The following SOX6 variants were observed in gnomAD, a reference collection of about 807,000 sequenced individuals.
SOX6 encodes transcription factor SOX-6.
Under a neutral mutation model 97.8 loss-of-function variants are expected in SOX6, and 11 were observed. That is an observed-to-expected ratio of 0.11 (90% CI 0.07 to 0.19). The LOEUF (loss-of-function observed/expected upper bound fraction) is 0.19. SOX6 is among the 10% of genes least tolerant of loss of function. SOX6 has a pLI of 1.00. For missense variants in SOX6, 810 were observed against 1,039.5 expected, an observed-to-expected ratio of 0.78 and a Z score of 3.04; for synonymous variants, 360 against 371.4, an observed-to-expected ratio of 0.97 and a Z score of 0.35.
chr11:16,414,518 A>G (rs11820804), intron 1 of SOX6, among the ~76,000 whole-genome samples: 45,761 of 152,028 alleles, frequency 0.3, 7,036 homozygotes, highest in East Asian at 0.52. Flanking sequence ...TGGGCATTAT[A>G]TATGGTCATG....
intron 12 of SOX6, among the ~76,000 whole-genome samples, chr11:16,041,368 A>T (rs934875299): frequency 3.9e-5 from 6 of 152,120 alleles, no homozygotes; most frequent in Admixed American, 3.9e-4. Flanking sequence ...GAAGCAGAAG[A>T]TGTCCAGTAT....
chr11:16,691,699 A>G (rs1848014605), intron 3 of SOX6, among the ~76,000 whole-genome samples: 1 of 152,186 alleles, frequency 6.6e-6, no homozygotes, highest in Non-Finnish European at 1.5e-5. Context: ...TGGGAGGGTG[A>G]GGCAGGAGAA....
intron 3 of SOX6, among the ~76,000 whole-genome samples, chr11:16,247,206 T>C (rs1429798998): frequency 6.6e-6 from 1 of 152,184 alleles, no homozygotes; most frequent in Non-Finnish European, 1.5e-5. Flanking sequence ...TAATATCCTT[T>C]TGTTGAATCC....
At chr11:16,584,776 A>G (rs906789421) in intron 4 of SOX6, among the ~76,000 whole-genome samples, 2 of 152,162 alleles carry the variant, frequency 1.3e-5, no homozygotes, top group African/African-American at 4.8e-5. Flanking sequence ...CACCAACTCA[A>G]CACCACAGCG....
chr11:16,525,259 G>A (rs979835775), intron 4 of SOX6, among the ~76,000 whole-genome samples: 11 of 151,996 alleles, frequency 7.2e-5, no homozygotes, highest in Non-Finnish European at 1.6e-4. Context: ...AACCAAAACA[G>A]CATGGTACTG....
chr11:16,507,384 G>A (rs1383429396), intron 4 of SOX6, among the ~76,000 whole-genome samples: 1 of 151,932 alleles, frequency 6.6e-6, no homozygotes, highest in Admixed American at 6.6e-5. Flanking sequence ...AAATACCAAT[G>A]TCATTTTTTC....
chr11:16,359,359 G>A (rs577024357), upstream of SOX6, among the ~76,000 whole-genome samples: 28 of 152,186 alleles, frequency 1.8e-4, no homozygotes, highest in African/African-American at 6.5e-4. Context: ...AATGACAACA[G>A]ATTGGAAAGG....
chr11:16,248,619 C>A (rs755225319), intron 3 of SOX6, among the ~76,000 whole-genome samples: 2 of 152,248 alleles, frequency 1.3e-5, no homozygotes, highest in Admixed American at 1.3e-4. Context: ...CTTGTAGCCA[C>A]AGCAGGAGCT....
At position 16,132,437 on chromosome 11, in the gene SOX6, G is replaced by GAAA. The variant is rs1347154212; in HGVS notation, c.778-20517_778-20515dup. Among the ~76,000 whole-genome samples the GAAA allele has an allele frequency of 4.4e-3, 290 of 65,740 alleles. 4 individuals are homozygous for GAAA. Among genetic ancestry groups the GAAA allele is most frequent in the Non-Finnish European group, 5.1e-3 (176 of 34,662 alleles). 43.1% of individuals were successfully genotyped at this position (65,740 alleles called of 152,430 possible). A position where few individuals can be genotyped will look rare whatever the true frequency, so the allele number is the denominator to read the frequency against. Reference sequence around the variant, plus strand: ...AGAAAGAAAGAAAGAAAGAAAGAAAGAAAGAAAAAAGAAAGAAAGAAAGAA... The same window carrying GAAA: ...AGAAAGAAAGAAAGAAAGAAAGAAAGAAAAAAGAAAAAAGAAAGAAAGAAAGAA... On this transcript the variant is annotated intron_variant, in intron 6 of 15. Coordinates refer to ENST00000683767, the MANE Select transcript of SOX6 (RefSeq NM_001367873.1).
chr11:16,635,099 G>A lies in SOX6; in HGVS notation n.430-22839C>T, dbSNP rs182831402. 3.1e-3 allele frequency among the ~76,000 whole-genome samples: 470 copies of A among 152,248 alleles called. 3 individuals are homozygous for A. The highest frequency in any genetic ancestry group is 6.8e-3 in the Middle Eastern group (2 of 294). On this transcript the variant is annotated intron_variant and non_coding_transcript_variant, in intron 3 of 5. Transcript: ENST00000524520. ...GTCTTGGGTATGTCCTTATAGCACC[G>A]TGAGAATGGACTAATACAGTAAATT...
At chr11:16,324,250 T>C (rs1856006819) in intron 2 of SOX6, among the ~76,000 whole-genome samples, 2 of 152,064 alleles carry the variant, frequency 1.3e-5, no homozygotes, top group East Asian at 3.9e-4. Context: ...GCTCCAACAA[T>C]GACAGGATTG....
At chr11:16,157,069 G>T (rs1478848134) in intron 6 of SOX6, among the ~76,000 whole-genome samples, 1 of 151,992 alleles carries the variant, frequency 6.6e-6, no homozygotes, top group South Asian at 2.1e-4. Flanking sequence ...TTGAACAGAG[G>T]TGTCAACTGT....
At chr11:16,356,828 T>A (rs1436522780), upstream of SOX6, among the ~76,000 whole-genome samples, 1 of 151,920 alleles carries the variant, frequency 6.6e-6, no homozygotes, top group Non-Finnish European at 1.5e-5. Flanking sequence ...ACAAATCAAG[T>A]GTAAAATCTC....
intron 3 of SOX6, among the ~76,000 whole-genome samples, chr11:16,685,755 G>A (rs1252203153): frequency 6.6e-6 from 1 of 152,262 alleles, no homozygotes; most frequent in East Asian, 1.9e-4. Context: ...GCTAGGCAAT[G>A]CCCCAGTAGG....
At chr11:16,561,347 C>T (rs1293240757) in intron 4 of SOX6, among the ~76,000 whole-genome samples, 1 of 152,064 alleles carries the variant, frequency 6.6e-6, no homozygotes, top group Non-Finnish European at 1.5e-5. Flanking sequence ...TACTGCTTCA[C>T]CTACTGTAAA....
intron 15 of SOX6, among the ~76,000 whole-genome samples, chr11:15,979,065 A>ATAT (rs59143054): frequency 7.1e-6 from 1 of 140,620 alleles, no homozygotes; most frequent in Non-Finnish European, 1.5e-5. Context: ...ATATATATAT[A>ATAT]AAACTGCTTA....
intron 7 of SOX6, among the ~76,000 whole-genome samples, chr11:16,099,215 A>G (rs1430906225): frequency 6.6e-6 from 1 of 151,730 alleles, no homozygotes; most frequent in Non-Finnish European, 1.5e-5. Flanking sequence ...CATGAGGTTG[A>G]TTTTGGTTTG....
At chr11:16,008,000 T>C (rs1186219445) in intron 13 of SOX6, among the ~76,000 whole-genome samples, 3 of 152,070 alleles carry the variant, frequency 2.0e-5, no homozygotes, top group African/African-American at 7.2e-5. Context: ...AAGAGATTAG[T>C]TCCAGGACCC....
chr11:16,453,247 G>A (rs1214077794), intron 1 of SOX6, among the ~76,000 whole-genome samples: 1 of 152,040 alleles, frequency 6.6e-6, no homozygotes, highest in Admixed American at 6.6e-5. Flanking sequence ...AAACTAGGGG[G>A]AAAATGGGAC....
Sources: allele counts gnomAD v4.1 joint callset (sites outside exome capture counted in the v4.1 genomes callset), GRCh38; gene constraint gnomAD v4.1.1; transcripts MANE v1.5; gene names NCBI Gene and HGNC (gene_info 2026-07-23, HGNC 2026-07-21).